The following ENPP1 variants were observed in gnomAD, a reference collection of about 807,000 sequenced individuals.
ENPP1 encodes ectonucleotide pyrophosphatase/phosphodiesterase 1.
ENPP1 carries 73 observed loss-of-function variants against 122.8 expected under a neutral mutation model. That is an observed-to-expected ratio of 0.59 (90% CI 0.49 to 0.72). ENPP1 has a LOEUF of 0.72. Among genes scored for constraint, ENPP1 ranks in the 30% least tolerant of loss-of-function variants. The probability of loss-of-function intolerance (pLI) is 0.00; values close to 1 mark genes in which losing one functional copy is unlikely to be tolerated. For missense variants in ENPP1, 978 were observed against 1,128.1 expected, an observed-to-expected ratio of 0.87 and a Z score of 1.91; for synonymous variants, 367 against 391.6, an observed-to-expected ratio of 0.94 and a Z score of 0.74.
chr6:131,869,339 G>A lies in ENPP1; in HGVS notation c.1274-19G>A, dbSNP rs985284531. ...TTGTTAAAGTTACAGCATGTTTTGG[G>A]ATTTTTTTTTTCTCCTAGGCATGGA... On this transcript the variant is annotated intron_variant, in intron 12 of 24. Transcript: ENST00000647893. The A allele has an allele frequency of 6.2e-7, 1 of 1,610,234 alleles. No individual in the cohort carries two copies. The highest frequency in any genetic ancestry group is 1.1e-5 in the South Asian group (1 of 91,004).
At position 131,895,016 on chromosome 6, in the gene ENPP1, A is replaced by G. The variant is rs1480073466; in HGVS notation, c.*4505A>G. On this transcript the variant is annotated 3_prime_UTR_variant, in exon 25 of 25. Transcript: ENST00000647893. ...TTTCATAAGCATTAAGTAAAATTTT[A>G]TAATGACTGCAGTCCAAGGACATTT... 1 of 152,286 alleles carries G rather than the reference A, an allele frequency of 6.6e-6. No homozygotes were observed. The highest frequency in any genetic ancestry group is 2.1e-4 in the South Asian group (1 of 4,836). 9.4% of individuals were successfully genotyped at this position (152,286 alleles called of 1,614,324 possible). A position where few individuals can be genotyped will look rare whatever the true frequency, so the allele number is the denominator to read the frequency against.
rs1782064141 is a variant in ENPP1 at position 131,864,559 on chromosome 6, C to T, written c.1079C>T (p.Pro360Leu). The T allele has an allele frequency of 6.2e-7, 1 of 1,606,796 alleles. No individual in the cohort carries two copies. Among genetic ancestry groups the T allele is most frequent in the African/African-American group, 1.3e-5 (1 of 74,774 alleles). ...ILAVLQWLQL[P>L]KDERPHFYTL... Reference sequence around the variant, plus strand: ...GCTGTTCTTCAGTGGCTACAGCTTCCTAAAGATGAAAGGTCTGTAGGCAAT... The same window carrying T: ...GCTGTTCTTCAGTGGCTACAGCTTCTTAAAGATGAAAGGTCTGTAGGCAAT... Residue 360 changes from proline (P) to leucine (L), a missense_variant, in exon 10 of 25, where the codon CCT becomes CTT. By Grantham distance (98) the Pro-to-Leu change is moderately conservative. Transcript: ENST00000647893.
At chr6:131,864,458 CCAAA>C in intron 9 of ENPP1, 44 bp from the exon 10 acceptor site, 1 of 1,247,370 alleles carries the variant, frequency 8.0e-7, no homozygotes, top group Non-Finnish European at 1.2e-6. Context: ...TATTTTACAC[CCAAA>C]CAATTGTCAG....
At chr6:131,890,029 A>C (rs1782445908) in intron 24 of ENPP1, among the ~76,000 whole-genome samples, 1 of 151,904 alleles carries the variant, frequency 6.6e-6, no homozygotes, top group African/African-American at 2.4e-5. Flanking sequence ...TTCCCATGCC[A>C]TGTAATTTCT....
chr6:131,875,167 A>G (rs578214261), intron 16 of ENPP1, among the ~76,000 whole-genome samples: 6 of 152,306 alleles, frequency 3.9e-5, no homozygotes, highest in South Asian at 2.1e-4. Context: ...CCACTGTGCA[A>G]TATATCCATG....
intron 1 of ENPP1, among the ~76,000 whole-genome samples, chr6:131,840,822 A>G (rs750511753): frequency 5.5e-4 from 83 of 152,184 alleles, no homozygotes; most frequent in Non-Finnish European, 9.7e-4. Flanking sequence ...TAATGAATTG[A>G]AAGGTGGAAT....
At chr6:131,862,243 AAC>A (rs767582071) in intron 9 of ENPP1, among the ~76,000 whole-genome samples, 6 of 152,296 alleles carry the variant, frequency 3.9e-5, no homozygotes, top group Admixed American at 6.5e-5. Flanking sequence ...CCTTTTGAGA[AAC>A]ACCGATAACG....
rs550728802 is a variant in ENPP1 at position 131,855,943 on chromosome 6, T to C, written c.715+920T>C. 2.6e-5 allele frequency among the ~76,000 whole-genome samples: 4 copies of C among 152,152 alleles called. No homozygotes were observed. The South Asian group carries it at 8.3e-4, about 32-fold the overall frequency. On this transcript the variant is annotated intron_variant, in intron 6 of 24. Transcript: ENST00000647893. ...TGTAAGTAAATACAATTACTTTAGC[T>C]TTTTTTCTGGAATTCTAAAATATTG...
At chr6:131,819,862 G>A (rs138676044) in intron 1 of ENPP1, 44 of 457,216 alleles carry the variant, frequency 9.6e-5, no homozygotes, top group African/African-American at 7.4e-4. Context: ...TGATTGATTC[G>A]ACCAATTCTC....
chr6:131,887,725 ATTT>A (rs757759048), intron 24 of ENPP1, among the ~76,000 whole-genome samples: 1 of 114,886 alleles, frequency 8.7e-6, no homozygotes, highest in Admixed American at 9.0e-5. Context: ...CACCCGGCTA[ATTT>A]TTTTTTTTTT....
intron 24 of ENPP1, among the ~76,000 whole-genome samples, chr6:131,889,347 A>G (rs1371296015): frequency 6.6e-6 from 1 of 152,054 alleles, no homozygotes; most frequent in African/African-American, 2.4e-5. Context: ...TAAGCCCAGC[A>G]TCCATTAGCT....
Position 131,850,125 on chromosome 6 carries a change from A to T in ENPP1, c.430+19A>T. 6.8e-7 allele frequency: 1 copy of T among 1,473,284 alleles called. No individual in the cohort carries two copies. Among genetic ancestry groups the T allele is most frequent in the Non-Finnish European group, 9.5e-7 (1 of 1,051,190 alleles). The allele number at this position is 1,473,284 out of a possible 1,614,324, so 91.3% of individuals were successfully genotyped here. ...GAACCAGGTAAGGATGAGCAGGGAAAAAAGTGGAGTTATGGTCATTAGGAA... is the reference window on the plus strand; with the variant it reads ...GAACCAGGTAAGGATGAGCAGGGAATAAAGTGGAGTTATGGTCATTAGGAA... On this transcript the variant is annotated intron_variant, in intron 3 of 24. Transcript: ENST00000647893.
chr6:131,863,823 G>A (rs1357834756), intron 9 of ENPP1, among the ~76,000 whole-genome samples: 1 of 152,080 alleles, frequency 6.6e-6, no homozygotes, highest in African/African-American at 2.4e-5. Flanking sequence ...GGCTGAGGCA[G>A]GGGAATTGTT....
At chr6:131,813,971 G>A (rs1215357027) in intron 1 of ENPP1, among the ~76,000 whole-genome samples, 5 of 152,140 alleles carry the variant, frequency 3.3e-5, no homozygotes, top group Admixed American at 3.3e-4. Flanking sequence ...TTCCAAGCAG[G>A]GTAGAATGTA....
At chr6:131,858,854 T>A (rs1033746758) in intron 7 of ENPP1, 107 bp downstream of exon 7, 1 of 858,220 alleles carries the variant, frequency 1.2e-6, no homozygotes, top group East Asian at 2.7e-5. Context: ...TATTTTCCAA[T>A]AGGTAGTTAA....
At chr6:131,848,381 G>A (rs960333861) in intron 2 of ENPP1, among the ~76,000 whole-genome samples, 16 of 152,014 alleles carry the variant, frequency 1.1e-4, no homozygotes, top group African/African-American at 2.4e-4. Context: ...ACAGTAAATC[G>A]TAGTGGTTAT....
chr6:131,885,087 T>C (rs773225274), intron 23 of ENPP1, 24 bp downstream of exon 23: 1 of 1,610,952 alleles, frequency 6.2e-7, no homozygotes, highest in East Asian at 2.2e-5. Context: ...TCATTACTCT[T>C]AAAAATAGGA....
At chr6:131,886,407 A>G (rs1782377689) in intron 23 of ENPP1, among the ~76,000 whole-genome samples, 155 bp from the exon 24 acceptor site, 1 of 152,226 alleles carries the variant, frequency 6.6e-6, no homozygotes, top group Non-Finnish European at 1.5e-5. Context: ...TCAATCTGGC[A>G]GAGTATGTTG....
chr6:131,886,218 T>C (rs979857501), intron 23 of ENPP1, among the ~76,000 whole-genome samples: 1 of 152,148 alleles, frequency 6.6e-6, no homozygotes, highest in Non-Finnish European at 1.5e-5. Context: ...AAGTTAAGAC[T>C]ATCAATAATG....
Sources: allele counts gnomAD v4.1 joint callset (sites outside exome capture counted in the v4.1 genomes callset), GRCh38; gene constraint gnomAD v4.1.1; transcripts MANE v1.5; gene names NCBI Gene and HGNC (gene_info 2026-07-23, HGNC 2026-07-21).